Variants in COL19A1 observed in about 807,000 individuals in gnomAD.
COL19A1 encodes the protein collagen alpha-1(XIX) chain.
In COL19A1, 159 loss-of-function variants were observed where a neutral mutation model predicts 190.2. The ratio of observed to expected loss-of-function variants is 0.84; its 90% CI spans 0.73 to 0.95. The LOEUF (loss-of-function observed/expected upper bound fraction) is 0.95, where lower values mean the gene tolerates loss of function less well. COL19A1 is among the 40% of genes least tolerant of loss of function. The pLI, the probability that COL19A1 is intolerant of heterozygous loss-of-function variation, is 0.00. For synonymous variants in COL19A1, 509 were observed against 458.9 expected (o/e 1.11, Z -1.39); for missense variants, 1,418 against 1,431.9 (o/e 0.99, Z 0.16).
Position 69,967,650 on chromosome 6 carries a change from A to AT in COL19A1, c.1026+4788dup, listed in dbSNP as rs530006984. 6.2e-4 allele frequency among the ~76,000 whole-genome samples: 94 copies of AT among 152,166 alleles called. No homozygotes were observed. The East Asian group carries it at 0.013, about 21-fold the overall frequency. On this transcript the variant is annotated intron_variant, in intron 11 of 50. Transcript: ENST00000620364. ...AGTTGTAAATTTCCAGTGACTTGTG[A>AT]TTTTTTTTATTGTCTTCTTCTTACC...
At chr6:69,918,573 G>C (rs1038030974) in intron 4 of COL19A1, among the ~76,000 whole-genome samples, 1 of 152,096 alleles carries the variant, frequency 6.6e-6, no homozygotes, top group South Asian at 2.1e-4. Context: ...AGGTATGGCT[G>C]CACGTGCCTA....
At chr6:70,006,110 C>A (rs1777607271) in intron 11 of COL19A1, among the ~76,000 whole-genome samples, 1 of 152,176 alleles carries the variant, frequency 6.6e-6, no homozygotes, top group African/African-American at 2.4e-5. Flanking sequence ...AGTTGTGAGT[C>A]CCAGTGCTGG....
intron 15 of COL19A1, among the ~76,000 whole-genome samples, chr6:70,079,048 CAA>C (rs1782073921): frequency 6.6e-6 from 1 of 152,168 alleles, no homozygotes; most frequent in South Asian, 2.1e-4. Flanking sequence ...GTGTGGGCGA[CAA>C]AGGAGACTCT....
chr6:70,201,301 C>T (rs1269328378), intron 49 of COL19A1, among the ~76,000 whole-genome samples: 1 of 152,194 alleles, frequency 6.6e-6, no homozygotes, highest in East Asian at 1.9e-4. Context: ...AGACACCTCA[C>T]AGGTGCTGCG....
intron 15 of COL19A1, among the ~76,000 whole-genome samples, chr6:70,083,970 T>A (rs1782433349): frequency 6.6e-6 from 1 of 152,098 alleles, no homozygotes; most frequent in Admixed American, 6.5e-5. Flanking sequence ...CTCCCTCAAC[T>A]CTTTCAACCT....
intron 10 of COL19A1, among the ~76,000 whole-genome samples, chr6:69,960,531 C>T (rs566734391): frequency 1.3e-5 from 2 of 151,816 alleles, no homozygotes; most frequent in Non-Finnish European, 2.9e-5. Flanking sequence ...CAAGGGATTC[C>T]TAATAAGCAA....
chr6:70,163,508 A>G, intron 36 of COL19A1, 112 bp downstream of exon 36: 3 of 976,736 alleles, frequency 3.1e-6, no homozygotes, highest in Non-Finnish European at 4.6e-6. Context: ...AGTAGAAATG[A>G]TGGTAGAAAG....
chr6:69,867,010 G>A (rs888762178), intron 1 of COL19A1, among the ~76,000 whole-genome samples: 2 of 151,860 alleles, frequency 1.3e-5, no homozygotes, highest in Non-Finnish European at 2.9e-5. Context: ...ATGCGGGTAG[G>A]GACAGACATC....
chr6:70,018,818 C>G (rs1778261063), intron 11 of COL19A1, among the ~76,000 whole-genome samples: 1 of 152,136 alleles, frequency 6.6e-6, no homozygotes, highest in African/African-American at 2.4e-5. Context: ...TGGAAATTAT[C>G]CCTCTGTAGA....
At chr6:70,127,994 A>C (rs1480293857) in intron 17 of COL19A1, among the ~76,000 whole-genome samples, 5 of 152,224 alleles carry the variant, frequency 3.3e-5, no homozygotes, top group Non-Finnish European at 5.9e-5. Context: ...CAATTTAACA[A>C]GAAAAACTCC....
chr6:69,936,590 A>G (rs1041488648), intron 7 of COL19A1, among the ~76,000 whole-genome samples, 195 bp from the exon 8 acceptor site: 2 of 152,130 alleles, frequency 1.3e-5, no homozygotes, highest in African/African-American at 4.8e-5. Flanking sequence ...TGTTGTCAGT[A>G]TAAGAAAACC....
At chr6:70,137,329 T>C (rs1024689282) in intron 18 of COL19A1, among the ~76,000 whole-genome samples, 1 of 152,206 alleles carries the variant, frequency 6.6e-6, no homozygotes, top group African/African-American at 2.4e-5. Context: ...AACAGTCTGA[T>C]GTCTTTGAGA....
intron 11 of COL19A1, among the ~76,000 whole-genome samples, chr6:69,994,226 T>A (rs1291300641): frequency 6.6e-6 from 1 of 152,176 alleles, no homozygotes; most frequent in Non-Finnish European, 1.5e-5. Flanking sequence ...TAATAAGGAA[T>A]CTGAAGCTCC....
At chr6:70,142,724 TC>T in intron 22 of COL19A1, 42 bp from the exon 23 acceptor site, 1 of 1,556,676 alleles carries the variant, frequency 6.4e-7, no homozygotes, top group East Asian at 2.2e-5. Flanking sequence ...TCTTTTTTTT[TC>T]TTTTTTAGCA....
At chr6:70,186,955 G>A (rs902372328) in intron 46 of COL19A1, among the ~76,000 whole-genome samples, 94 of 152,152 alleles carry the variant, frequency 6.2e-4, no homozygotes, top group African/African-American at 1.7e-3. Context: ...TCAACTCACC[G>A]CAACCTCCGC....
intron 35 of COL19A1, among the ~76,000 whole-genome samples, chr6:70,162,239 T>G (rs1471174143): frequency 6.6e-6 from 1 of 152,164 alleles, no homozygotes; most frequent in Non-Finnish European, 1.5e-5. Flanking sequence ...CATTCTATTT[T>G]TTATTTATAA....
chr6:70,076,693 G>A (rs1442453543), intron 15 of COL19A1, among the ~76,000 whole-genome samples: 1 of 152,158 alleles, frequency 6.6e-6, no homozygotes, highest in Non-Finnish European at 1.5e-5. Flanking sequence ...TAGCCCTCAG[G>A]TATATTATGG....
chr6:70,135,654 G>T (rs1468612113), intron 18 of COL19A1, among the ~76,000 whole-genome samples: 1 of 152,190 alleles, frequency 6.6e-6, no homozygotes, highest in Non-Finnish European at 1.5e-5. Flanking sequence ...AAATCAGCCA[G>T]CAAAGAGACC....
intron 10 of COL19A1, among the ~76,000 whole-genome samples, chr6:69,960,771 T>C (rs1774740456): frequency 1.3e-5 from 2 of 151,946 alleles, no homozygotes; most frequent in Middle Eastern, 6.8e-3. Context: ...GGACTACAGG[T>C]GCCCGCCACC....
Sources: gnomAD v4.1 joint callset for allele counts (sites outside exome capture counted in the v4.1 genomes callset) on GRCh38, gnomAD v4.1.1 for gene constraint, MANE v1.5 for transcripts, NCBI Gene and HGNC (gene_info 2026-07-23, HGNC 2026-07-21) for gene names.